SLC4A4: variants seen among roughly 807,000 people sequenced by gnomAD.
SLC4A4 encodes electrogenic sodium bicarbonate cotransporter 1.
SLC4A4 carries 27 observed loss-of-function variants against 111.5 expected under a neutral mutation model. That is an observed-to-expected ratio of 0.24 (90% CI 0.18 to 0.33). The LOEUF (loss-of-function observed/expected upper bound fraction) is 0.33, where lower values mean the gene tolerates loss of function less well. Ranked by LOEUF, SLC4A4 falls within the 10% of genes least tolerant of loss-of-function variation. The pLI, the probability that SLC4A4 is intolerant of heterozygous loss-of-function variation, is 1.00. For missense variants in SLC4A4, 909 were observed against 1,315.5 expected (o/e 0.69, Z 4.78); for synonymous variants, 443 against 463.4 (o/e 0.96, Z 0.57).
chr4:71,365,821 T>A (rs1459767489), intron 6 of SLC4A4, among the ~76,000 whole-genome samples: 1 of 152,186 alleles, frequency 6.6e-6, no homozygotes, highest in Non-Finnish European at 1.5e-5. Flanking sequence ...AATGTATATA[T>A]CATTTCAGAT....
In SLC4A4 at chr4:71,401,041, C is replaced by T. The variant is rs554363449; in HGVS notation, c.807+3388C>T. ...AATTTCTGATTGACTGATTATTCTGCCTGGATACAATTTGAACAGTTGTGA... is the reference window on the plus strand; with the variant it reads ...AATTTCTGATTGACTGATTATTCTGTCTGGATACAATTTGAACAGTTGTGA... On this transcript the variant is annotated intron_variant, in intron 7 of 25. Transcript: ENST00000264485. 4.6e-5 allele frequency among the ~76,000 whole-genome samples: 7 copies of T among 152,240 alleles called. No homozygotes were observed. The South Asian group carries it at 1.5e-3, about 32-fold the overall frequency.
At chr4:71,384,734 T>G (rs1718505866) in intron 6 of SLC4A4, among the ~76,000 whole-genome samples, 1 of 152,086 alleles carries the variant, frequency 6.6e-6, no homozygotes, top group South Asian at 2.1e-4. Flanking sequence ...TTAATTGCAT[T>G]TGTAATTTTA....
chr4:71,390,271 T>C (rs1007719040), intron 6 of SLC4A4, among the ~76,000 whole-genome samples: 2 of 152,172 alleles, frequency 1.3e-5, no homozygotes, highest in Non-Finnish European at 2.9e-5. Flanking sequence ...TTTGTCCCAT[T>C]TTATTCCTGT....
chr4:71,063,985 C>T (rs1005385306), intron 1 of SLC4A4, among the ~76,000 whole-genome samples: 1 of 151,988 alleles, frequency 6.6e-6, no homozygotes, highest in African/African-American at 2.4e-5. Flanking sequence ...TACAAAGGAC[C>T]TAAAGGTCCT....
At chr4:71,266,619 C>CT (rs1208021314) in intron 3 of SLC4A4, among the ~76,000 whole-genome samples, 2 of 151,930 alleles carry the variant, frequency 1.3e-5, no homozygotes, top group African/African-American at 2.4e-5. Flanking sequence ...CTTTTCGACT[C>CT]TTTTTTTTCT....
At chr4:71,491,786 T>A (rs1278294399) in intron 15 of SLC4A4, among the ~76,000 whole-genome samples, 1 of 151,844 alleles carries the variant, frequency 6.6e-6, no homozygotes. Flanking sequence ...AGTTTGGTGA[T>A]GTTTTTGTGA....
chr4:71,492,850 G>C (rs2149141127), intron 15 of SLC4A4, among the ~76,000 whole-genome samples: 1 of 151,950 alleles, frequency 6.6e-6, no homozygotes, highest in South Asian at 2.1e-4. Context: ...TGTTTTCTCT[G>C]TACTCAATGA....
At chr4:71,362,606 T>C (rs1192437269) in intron 6 of SLC4A4, among the ~76,000 whole-genome samples, 1 of 152,244 alleles carries the variant, frequency 6.6e-6, no homozygotes, top group Non-Finnish European at 1.5e-5. Flanking sequence ...TTATTCCCTC[T>C]GCCCTTTGTT....
intron 16 of SLC4A4, among the ~76,000 whole-genome samples, chr4:71,526,826 C>T (rs969461627): frequency 6.6e-6 from 1 of 151,876 alleles, no homozygotes; most frequent in Non-Finnish European, 1.5e-5. Context: ...ACTTTTCTAC[C>T]ACCTAGGGGC....
intron 16 of SLC4A4, among the ~76,000 whole-genome samples, chr4:71,498,213 C>T (rs1319690953): frequency 1.3e-5 from 2 of 152,016 alleles, no homozygotes; most frequent in South Asian, 2.1e-4. Context: ...ATGATGAATG[C>T]CGTAGTACAG....
chr4:71,113,159 G>C (rs1390895906), intron 2 of SLC4A4, among the ~76,000 whole-genome samples: 1 of 152,228 alleles, frequency 6.6e-6, no homozygotes, highest in African/African-American at 2.4e-5. Flanking sequence ...AGACTGCCCA[G>C]AGTTCCTCGT....
At chr4:71,258,022 A>G (rs1281315319) in intron 3 of SLC4A4, among the ~76,000 whole-genome samples, 4 of 152,314 alleles carry the variant, frequency 2.6e-5, no homozygotes, top group Non-Finnish European at 5.9e-5. Flanking sequence ...ATTTCTTCAT[A>G]GAGAGGCACC....
intron 16 of SLC4A4, among the ~76,000 whole-genome samples, chr4:71,518,426 C>A (rs1560581087): frequency 6.6e-6 from 1 of 151,964 alleles, no homozygotes; most frequent in African/African-American, 2.4e-5. Context: ...ATGGTACTTA[C>A]CTGGTGCCTA....
intron 7 of SLC4A4, among the ~76,000 whole-genome samples, chr4:71,410,985 C>T (rs1033333984): frequency 1.3e-5 from 2 of 152,076 alleles, no homozygotes; most frequent in African/African-American, 4.8e-5. Flanking sequence ...GCACTGTGGG[C>T]ATATATAGCA....
At chr4:71,537,970 C>T (rs183125060) in intron 18 of SLC4A4, among the ~76,000 whole-genome samples, 1 of 152,084 alleles carries the variant, frequency 6.6e-6, no homozygotes, top group South Asian at 2.1e-4. Flanking sequence ...AATTGTTCCT[C>T]TTTCTAGTGG....
intron 14 of SLC4A4, chr4:71,473,194 A>G: frequency 1.5e-6 from 1 of 660,704 alleles, no homozygotes; most frequent in Non-Finnish European, 2.7e-6. Flanking sequence ...GAACATAACC[A>G]ACTCAATATT....
chr4:71,328,863 CT>C (rs1727716984), intron 3 of SLC4A4, among the ~76,000 whole-genome samples: 1 of 151,968 alleles, frequency 6.6e-6, no homozygotes, highest in African/African-American at 2.4e-5. Context: ...GTTGTTTGTG[CT>C]TATGGGGTAT....
At chr4:71,424,497 A>T (rs1374280875) in intron 7 of SLC4A4, among the ~76,000 whole-genome samples, 3 of 151,986 alleles carry the variant, frequency 2.0e-5, no homozygotes, top group Admixed American at 6.6e-5. Flanking sequence ...GTGGGTATAT[A>T]CCCAAAGGAC....
intron 15 of SLC4A4, among the ~76,000 whole-genome samples, chr4:71,492,161 A>G (rs1055324769): frequency 6.6e-6 from 1 of 151,676 alleles, no homozygotes; most frequent in South Asian, 2.1e-4. Context: ...TGAAGATTAC[A>G]TATTCCTACT....
Sources: allele counts gnomAD v4.1 joint callset (sites outside exome capture counted in the v4.1 genomes callset), GRCh38; gene constraint gnomAD v4.1.1; transcripts MANE v1.5; gene names NCBI Gene and HGNC (gene_info 2026-07-23, HGNC 2026-07-21).